The following RASGRF2 variants were observed in gnomAD, a reference collection of about 807,000 sequenced individuals.
RASGRF2 encodes the protein ras-specific guanine nucleotide-releasing factor 2.
A neutral mutation model predicts 151.0 loss-of-function variants in RASGRF2; 76 were observed. The ratio of observed to expected loss-of-function variants is 0.50; its 90% CI spans 0.42 to 0.61. The LOEUF (loss-of-function observed/expected upper bound fraction) is 0.61, where lower values mean the gene tolerates loss of function less well. RASGRF2 is among the 20% of genes least tolerant of loss of function. The probability of loss-of-function intolerance (pLI) is 0.00; values close to 1 mark genes in which losing one functional copy is unlikely to be tolerated. For synonymous variants in RASGRF2, 504 were observed against 566.5 expected, an observed-to-expected ratio of 0.89 and a Z score of 1.57; for missense variants, 1,148 against 1,564.6, an observed-to-expected ratio of 0.73 and a Z score of 4.49.
intron 19 of RASGRF2, chr5:81,204,366 C>T (rs1490033956): frequency 2.0e-5 from 3 of 152,126 alleles, no homozygotes; most frequent in African/African-American, 7.2e-5. Flanking sequence ...TTAAGTGCAG[C>T]CCTGACATTT....
chr5:81,051,552 T>G (rs564737120), intron 2 of RASGRF2, among the ~76,000 whole-genome samples: 1 of 152,372 alleles, frequency 6.6e-6, no homozygotes, highest in South Asian at 2.1e-4. Context: ...TTGCTCATTC[T>G]GGACATTTCA....
At chr5:81,137,513 C>G (rs1753781408) in intron 17 of RASGRF2, among the ~76,000 whole-genome samples, 1 of 152,082 alleles carries the variant, frequency 6.6e-6, no homozygotes, top group Admixed American at 6.5e-5. Context: ...GCACTGTGTC[C>G]CCACTAAATG....
intron 1 of RASGRF2, among the ~76,000 whole-genome samples, chr5:80,988,065 CTTT>C: frequency 6.9e-6 from 1 of 144,012 alleles, no homozygotes; most frequent in East Asian, 2.1e-4. Context: ...TCTTCTTCTT[CTTT>C]AAGACAGAGT....
chr5:81,062,384 C>T (rs995062945), intron 2 of RASGRF2, among the ~76,000 whole-genome samples: 1 of 152,086 alleles, frequency 6.6e-6, no homozygotes, highest in Non-Finnish European at 1.5e-5. Context: ...TATAATTAAA[C>T]CTCTATTGAT....
chr5:81,159,999 C>T (rs369589143), intron 17 of RASGRF2, among the ~76,000 whole-genome samples: 28 of 152,286 alleles, frequency 1.8e-4, no homozygotes, highest in Middle Eastern at 6.8e-3. Context: ...GTTAGAACTA[C>T]GAAGCAGGCC....
intron 23 of RASGRF2, among the ~76,000 whole-genome samples, 186 bp from the exon 24 acceptor site, chr5:81,215,689 TG>T (rs1755721751): frequency 6.6e-6 from 1 of 152,206 alleles, no homozygotes; most frequent in South Asian, 2.1e-4. Context: ...CTCCATATGT[TG>T]TTAACATTAA....
intron 18 of RASGRF2, among the ~76,000 whole-genome samples, chr5:81,200,062 G>A (rs959490519): frequency 2.0e-5 from 3 of 151,800 alleles, no homozygotes; most frequent in Non-Finnish European, 2.9e-5. Context: ...CTTGAGCCCA[G>A]GAGCTTGAGA....
Position 81,134,535 on chromosome 5 carries a change from G to A in RASGRF2, c.2686+7372G>A, listed in dbSNP as rs75501809. 4.4e-4 allele frequency among the ~76,000 whole-genome samples: 67 copies of A among 152,118 alleles called. No homozygotes were observed. In the East Asian group the frequency reaches 0.012, roughly 28 times the overall value. On this transcript the variant is annotated intron_variant, in intron 17 of 26. Transcript: ENST00000265080. ...GAACTTACTGGAAAAATAAATTCTC[G>A]GGCCACACATCATTCCTACTGAATC...
At chr5:80,972,553 C>T (rs1747973313) in intron 1 of RASGRF2, among the ~76,000 whole-genome samples, 1 of 152,112 alleles carries the variant, frequency 6.6e-6, no homozygotes. Flanking sequence ...GAGCTCAGCT[C>T]ACTGCAGTCT....
intron 1 of RASGRF2, among the ~76,000 whole-genome samples, chr5:81,008,504 A>G (rs1406543461): frequency 6.6e-6 from 1 of 152,144 alleles, no homozygotes; most frequent in Non-Finnish European, 1.5e-5. Flanking sequence ...TTGCACTGTT[A>G]CTTAATCTTA....
At chr5:81,105,715 G>A (rs949065704) in intron 12 of RASGRF2, among the ~76,000 whole-genome samples, 4 of 152,154 alleles carry the variant, frequency 2.6e-5, no homozygotes, top group African/African-American at 9.7e-5. Context: ...AGTCTAAGGA[G>A]TAGCTAGAAA....
intron 7 of RASGRF2, among the ~76,000 whole-genome samples, chr5:81,084,713 C>A (rs899597938): frequency 5.3e-5 from 8 of 152,192 alleles, no homozygotes; most frequent in Admixed American, 2.6e-4. Flanking sequence ...GGGCCACTGA[C>A]CCTTCAGGAC....
At chr5:81,059,138 C>G (rs1210350546) in intron 2 of RASGRF2, among the ~76,000 whole-genome samples, 1 of 151,732 alleles carries the variant, frequency 6.6e-6, no homozygotes. Context: ...AATCCCAGCA[C>G]TTTGGGAGGC....
chr5:81,195,712 G>A (rs181951800), intron 18 of RASGRF2, among the ~76,000 whole-genome samples: 20 of 152,214 alleles, frequency 1.3e-4, no homozygotes, highest in Non-Finnish European at 2.8e-4. Flanking sequence ...CAGATCCCCT[G>A]AATCAGAATC....
intron 1 of RASGRF2, among the ~76,000 whole-genome samples, chr5:81,026,254 C>T (rs746516698): frequency 6.6e-6 from 1 of 151,180 alleles, no homozygotes; most frequent in African/African-American, 2.4e-5. Context: ...GTCTCCCCTT[C>T]TCTTTTTTTT....
intron 17 of RASGRF2, among the ~76,000 whole-genome samples, chr5:81,157,369 A>AG (rs1754286362): frequency 6.6e-6 from 1 of 151,998 alleles, no homozygotes; most frequent in African/African-American, 2.4e-5. Context: ...AAAAAAAAAA[A>AG]AAGAATCAAC....
intron 1 of RASGRF2, among the ~76,000 whole-genome samples, chr5:81,002,144 C>G (rs573421482): frequency 6.6e-6 from 1 of 152,230 alleles, no homozygotes; most frequent in African/African-American, 2.4e-5. Flanking sequence ...TTTTTTTCCT[C>G]CTAGTTTTGC....
At chr5:80,966,266 T>C (rs1747719924) in intron 1 of RASGRF2, among the ~76,000 whole-genome samples, 1 of 152,124 alleles carries the variant, frequency 6.6e-6, no homozygotes, top group Non-Finnish European at 1.5e-5. Flanking sequence ...CTATCTATAA[T>C]TTGGGGAGCT....
chr5:81,102,735 T>A (rs1453418749), intron 12 of RASGRF2, among the ~76,000 whole-genome samples: 1 of 151,572 alleles, frequency 6.6e-6, no homozygotes, highest in Non-Finnish European at 1.5e-5. Flanking sequence ...GGCCTACATA[T>A]TTGAAATCAG....
Sources: allele counts gnomAD v4.1 joint callset (sites outside exome capture counted in the v4.1 genomes callset), GRCh38; gene constraint gnomAD v4.1.1; transcripts MANE v1.5; gene names NCBI Gene and HGNC (gene_info 2026-07-23, HGNC 2026-07-21).